RUNDC3B: variants seen among roughly 807,000 people sequenced by gnomAD.
The protein encoded by RUNDC3B is RUN domain-containing protein 3B.
In RUNDC3B, 33 loss-of-function variants were observed where a neutral mutation model predicts 58.4. The ratio of observed to expected loss-of-function variants is 0.56; its 90% CI spans 0.43 to 0.75. RUNDC3B has a LOEUF of 0.75. RUNDC3B is among the 30% of genes least tolerant of loss of function. The pLI, the probability that RUNDC3B is intolerant of heterozygous loss-of-function variation, is 0.00. For synonymous variants in RUNDC3B, 193 were observed against 195.2 expected, an observed-to-expected ratio of 0.99 and a Z score of 0.10; for missense variants, 501 against 535.7, an observed-to-expected ratio of 0.94 and a Z score of 0.64.
intron 2 of RUNDC3B, among the ~76,000 whole-genome samples, chr7:87,679,221 A>G (rs1826682843): frequency 6.8e-6 from 1 of 147,992 alleles, no homozygotes; most frequent in South Asian, 2.1e-4. Flanking sequence ...GCCTCCCAAG[A>G]AGCTGGGACT....
At chr7:87,823,680 C>T (rs926913692) in intron 10 of RUNDC3B, among the ~76,000 whole-genome samples, 5 of 151,992 alleles carry the variant, frequency 3.3e-5, no homozygotes, top group African/African-American at 1.2e-4. Context: ...TTTGGTTTTC[C>T]ATTCCTGAGT....
At chr7:87,722,666 A>G (rs1049914079) in intron 4 of RUNDC3B, among the ~76,000 whole-genome samples, 1 of 152,162 alleles carries the variant, frequency 6.6e-6, no homozygotes, top group Non-Finnish European at 1.5e-5. Flanking sequence ...TGGGGCCTCC[A>G]TTCTCAAGGC....
At chr7:87,825,398 T>C (rs908549805) in intron 10 of RUNDC3B, among the ~76,000 whole-genome samples, 2 of 152,094 alleles carry the variant, frequency 1.3e-5, no homozygotes, top group African/African-American at 2.4e-5. Flanking sequence ...AAGTCAAGAA[T>C]TGGGGTTTGG....
rs535994528 is a variant in RUNDC3B, at chr7:87,725,697, C to T, written c.459-14094C>T. On this transcript the variant is annotated intron_variant, in intron 4 of 10. Coordinates refer to ENST00000394654, the MANE Select transcript of RUNDC3B (RefSeq NM_001134405.2). ...TTCCACAATGGTTGAACTAGTTTAC[C>T]GTCCCACCAACAGTGTAAAAGTGTT... Among the ~76,000 whole-genome samples, 22 of 152,150 alleles carry T rather than the reference C, an allele frequency of 1.4e-4. No individual in the cohort carries two copies. In the South Asian group the frequency reaches 1.7e-3, roughly 11 times the overall value.
rs181045505 is a variant in RUNDC3B at position 87,663,195 on chromosome 7, A to G, written c.238+12258A>G. On this transcript the variant is annotated intron_variant, in intron 2 of 10. Transcript: ENST00000394654. ...ATCATATCATCTGAAAACAAGGATA[A>G]TTTGACTTTTTCCTTTTTAGTTGGA... Among the ~76,000 whole-genome samples, 454 of 152,242 alleles carry G rather than the reference A, an allele frequency of 3.0e-3. 2 individuals carry two copies. The highest frequency in any genetic ancestry group is 0.011 in the African/African-American group (438 of 41,554).
intron 2 of RUNDC3B, among the ~76,000 whole-genome samples, chr7:87,677,801 A>G (rs1212070478): frequency 6.6e-6 from 1 of 152,210 alleles, no homozygotes; most frequent in Admixed American, 6.5e-5. Context: ...CCTGCCAGAG[A>G]AATATAATTT....
At chr7:87,826,900 T>G (rs1837844103) in intron 10 of RUNDC3B, among the ~76,000 whole-genome samples, 1 of 152,188 alleles carries the variant, frequency 6.6e-6, no homozygotes, top group Admixed American at 6.5e-5. Context: ...GAAGTTGGCA[T>G]TAGATTTGTC....
chr7:87,770,038 C>T (rs141623676), intron 6 of RUNDC3B, among the ~76,000 whole-genome samples: 3 of 151,798 alleles, frequency 2.0e-5, no homozygotes, highest in South Asian at 4.2e-4. Context: ...TCTGCTTGTC[C>T]TTGTTCCCCT....
At chr7:87,744,185 A>G (rs1025077522) in intron 6 of RUNDC3B, among the ~76,000 whole-genome samples, 8 of 152,152 alleles carry the variant, frequency 5.3e-5, no homozygotes, top group African/African-American at 1.9e-4. Flanking sequence ...CTATTTTAAT[A>G]CCAGTACCAC....
At chr7:87,802,802 T>TCCCC (rs906674465) in intron 8 of RUNDC3B, among the ~76,000 whole-genome samples, 2 of 151,950 alleles carry the variant, frequency 1.3e-5, no homozygotes, top group Non-Finnish European at 2.9e-5. Flanking sequence ...CCCAGGAGTT[T>TCCCC]GAGACCAGCC....
intron 2 of RUNDC3B, among the ~76,000 whole-genome samples, chr7:87,689,982 AT>A (rs201519657): frequency 1.4e-4 from 21 of 151,786 alleles, no homozygotes; most frequent in African/African-American, 4.1e-4. Context: ...GCTGTCATAG[AT>A]TTTTTTTTAA....
intron 2 of RUNDC3B, among the ~76,000 whole-genome samples, chr7:87,692,835 C>T (rs1032563263): frequency 2.0e-5 from 3 of 152,138 alleles, no homozygotes; most frequent in African/African-American, 7.2e-5. Context: ...CTAATATGAG[C>T]TTTAACTGTC....
intron 6 of RUNDC3B, among the ~76,000 whole-genome samples, chr7:87,757,487 T>A (rs1833436540): frequency 1.3e-5 from 2 of 151,932 alleles, no homozygotes; most frequent in African/African-American, 4.8e-5. Context: ...AAGTAAGAGA[T>A]CTCTACAATG....
chr7:87,721,033 T>C (rs1424944862), intron 4 of RUNDC3B, among the ~76,000 whole-genome samples: 2 of 151,008 alleles, frequency 1.3e-5, no homozygotes, highest in Non-Finnish European at 2.9e-5. Context: ...TAAAATTAGC[T>C]AAATGTCAAA....
chr7:87,819,238 C>T (rs1023930088), intron 10 of RUNDC3B, among the ~76,000 whole-genome samples: 1 of 152,006 alleles, frequency 6.6e-6, no homozygotes, highest in African/African-American at 2.4e-5. Flanking sequence ...TTGTGGGCTT[C>T]CTGAGTAAAA....
chr7:87,787,579 G>T (rs893002438), intron 8 of RUNDC3B, among the ~76,000 whole-genome samples: 1 of 152,048 alleles, frequency 6.6e-6, no homozygotes. Context: ...TGTAGTTTGG[G>T]CAACAGAGTA....
intron 1 of RUNDC3B, among the ~76,000 whole-genome samples, chr7:87,638,878 C>A (rs1822121556): frequency 6.6e-6 from 1 of 152,082 alleles, no homozygotes; most frequent in Admixed American, 6.6e-5. Context: ...GTCGGCTGGG[C>A]ATGGTGGCTC....
intron 8 of RUNDC3B, among the ~76,000 whole-genome samples, chr7:87,802,768 G>C (rs899201835): frequency 1.3e-5 from 2 of 152,132 alleles, no homozygotes; most frequent in South Asian, 4.1e-4. Context: ...ACTTTAGGAG[G>C]CCTAGGTAGG....
At chr7:87,750,448 C>T (rs1165186971) in intron 6 of RUNDC3B, among the ~76,000 whole-genome samples, 4 of 151,452 alleles carry the variant, frequency 2.6e-5, no homozygotes, top group East Asian at 3.9e-4. Flanking sequence ...CCTGAGGAAT[C>T]GCCACACTGA....
Sources: gnomAD v4.1 joint callset for allele counts (sites outside exome capture counted in the v4.1 genomes callset) on GRCh38, gnomAD v4.1.1 for gene constraint, MANE v1.5 for transcripts, NCBI Gene and HGNC (gene_info 2026-07-23, HGNC 2026-07-21) for gene names.